The following SPTBN5 variants were observed in gnomAD, a reference collection of about 807,000 sequenced individuals.
SPTBN5 encodes spectrin beta chain, non-erythrocytic 5.
Under a neutral mutation model 477.6 loss-of-function variants are expected in SPTBN5, and 513 were observed. That is an observed-to-expected ratio of 1.07 (90% CI 1.00 to 1.16). SPTBN5 has a LOEUF of 1.16. SPTBN5 is among the 50% of genes most tolerant of loss of function. The probability of loss-of-function intolerance (pLI) is 0.00; values close to 1 mark genes in which losing one functional copy is unlikely to be tolerated. For synonymous variants in SPTBN5, 2,169 were observed against 2,011.7 expected, an observed-to-expected ratio of 1.08 and a Z score of -2.09; for missense variants, 5,062 against 4,731.8, an observed-to-expected ratio of 1.07 and a Z score of -2.05.
At chr15:41,848,664 G>A (rs1164183700) in intron 67 of SPTBN5, 36 bp from the exon 68 acceptor site, 4 of 1,613,226 alleles carry the variant, frequency 2.5e-6, no homozygotes, top group Middle Eastern at 3.3e-4. Flanking sequence ...GTAGGGTATG[G>A]CCACCCCAGA....
intron 49 of SPTBN5, among the ~76,000 whole-genome samples, chr15:41,857,987 G>A (rs898623633): frequency 1.3e-5 from 2 of 152,148 alleles, no homozygotes; most frequent in African/African-American, 4.8e-5. Context: ...CTTTGCAGGT[G>A]GAAAAGAGAA....
intron 61 of SPTBN5, 110 bp from the exon 62 acceptor site, chr15:41,852,426 C>A: frequency 7.1e-7 from 1 of 1,413,966 alleles, no homozygotes; most frequent in South Asian, 1.4e-5. Context: ...AGGGGGCCTG[C>A]CTCCCCATCA....
Position 41,882,627 on chromosome 15 carries a change from G to A in SPTBN5, c.2004C>T (p.Gly668=). 6.2e-7 allele frequency: 1 copy of A among 1,606,856 alleles called. No homozygotes were observed. The change falls in exon 10 of 68, where the codon GGC becomes GGT. Residue 668 remains glycine (G), a synonymous_variant. Transcript: ENST00000320955. Reference sequence around the variant, plus strand: ...CGCCTGCGATCTGGCTGAGATCCCGGCCCAGGGCCGCATTCCCCACCCGCT... The same window carrying A: ...CGCCTGCGATCTGGCTGAGATCCCGACCCAGGGCCGCATTCCCCACCCGCT... ...CGQRVGNAAL[G]RDLSQIAGAL... is the part of the protein sequence containing the mutation.
At chr15:41,882,492 G>A in intron 10 of SPTBN5, 23 bp from the exon 11 acceptor site, 1 of 1,560,916 alleles carries the variant, frequency 6.4e-7, no homozygotes, top group Non-Finnish European at 8.6e-7. Flanking sequence ...AGAGCAGGGG[G>A]CTCAGTGAAG....
rs921215893 is a variant in SPTBN5, at chr15:41,871,980, C to A, written c.5166-63G>T. ...CCCACCCCCCTGGGGGCCAGTCGGGCCAGCCAGAGGGGCCAATCTGAAAAC... is the reference window on the plus strand; with the variant it reads ...CCCACCCCCCTGGGGGCCAGTCGGGACAGCCAGAGGGGCCAATCTGAAAAC... On this transcript the variant is annotated intron_variant, in intron 27 of 67. Coordinates refer to ENST00000320955, the MANE Select transcript of SPTBN5 (RefSeq NM_016642.4). 25 of 1,456,826 alleles carry A rather than the reference C, an allele frequency of 1.7e-5. 2 individuals are homozygous for A. The Admixed American group carries it at 4.7e-4, about 27-fold the overall frequency. The allele number at this position is 1,456,826 out of a possible 1,614,324, so 90.2% of individuals were successfully genotyped here. A position where few individuals can be genotyped will look rare whatever the true frequency, so the allele number is the denominator to read the frequency against.
intron 47 of SPTBN5, among the ~76,000 whole-genome samples, chr15:41,860,201 T>A (rs1218392264): frequency 6.6e-6 from 1 of 152,208 alleles, no homozygotes; most frequent in African/African-American, 2.4e-5. Context: ...GAGGAGGAAC[T>A]TGTCTGAGTC....
At position 41,876,100 on chromosome 15, in the gene SPTBN5, C is replaced by T. The variant is rs767047326; in HGVS notation, c.4122+14G>A. On this transcript the variant is annotated intron_variant, in intron 21 of 67. Coordinates refer to ENST00000320955, the MANE Select transcript of SPTBN5 (RefSeq NM_016642.4). ...GACAAGGAGGCTCTGCACCCTCTGT[C>T]CCGTGTCCCCCACCTGCTGCAGGGC... 1 of 1,592,378 alleles carries T rather than the reference C, an allele frequency of 6.3e-7. No individual in the cohort carries two copies. The highest frequency in any genetic ancestry group is 8.5e-7 in the Non-Finnish European group (1 of 1,173,044).
intron 63 of SPTBN5, 59 bp downstream of exon 63, chr15:41,851,720 C>G: frequency 1.5e-6 from 2 of 1,336,486 alleles, no homozygotes; most frequent in South Asian, 2.4e-5. Flanking sequence ...GCTCTTCGAG[C>G]CACTCAAGTG....
chr15:41,883,872 C>T (rs1356858333), intron 7 of SPTBN5, among the ~76,000 whole-genome samples: 1 of 152,180 alleles, frequency 6.6e-6, no homozygotes, highest in Non-Finnish European at 1.5e-5. Flanking sequence ...CTCACTGCAA[C>T]CTCCACCTCC....
At chr15:41,857,189 T>C (rs2140919231) in intron 51 of SPTBN5, 49 bp downstream of exon 51, 1 of 1,546,596 alleles carries the variant, frequency 6.5e-7, no homozygotes, top group Non-Finnish European at 8.7e-7. Flanking sequence ...GGGGTGGGGG[T>C]CCCTCCAGGA....
intron 15 of SPTBN5, 26 bp downstream of exon 15, chr15:41,879,708 C>T (rs2066881863): frequency 6.2e-7 from 1 of 1,612,340 alleles, no homozygotes; most frequent in African/African-American, 1.3e-5. Context: ...CCTGCCTCAC[C>T]ACCTGCACTC....
intron 52 of SPTBN5, 81 bp from the exon 53 acceptor site, chr15:41,856,679 C>T (rs2065937814): frequency 7.1e-6 from 10 of 1,415,492 alleles, no homozygotes; most frequent in Non-Finnish European, 8.5e-6. Context: ...TTTCACGGGA[C>T]CCCACTAACT....
Position 41,870,455 on chromosome 15 carries a change from G to A in SPTBN5, c.5553C>T (p.Thr1851=). ...RVHRDLLEVL[T]QVQEKATSLP... ...CCCCTCCGGCTCACACCTGGACCTG[G>A]GTGAGGACTTCCAAGAGATCTCTGT... Residue 1851 remains threonine, a synonymous_variant, in exon 30 of 68, where the codon ACC becomes ACT. Transcript: ENST00000320955. 1.2e-6 allele frequency: 2 copies of A among 1,613,724 alleles called. No individual in the cohort carries two copies. The highest frequency in any genetic ancestry group is 2.2e-5 in the East Asian group (1 of 44,874).
At position 41,862,816 on chromosome 15, in the gene SPTBN5, C is replaced by T; in HGVS notation, c.7237G>A (p.Val2413Met). The T allele has an allele frequency of 6.3e-7, 1 of 1,581,562 alleles. No individual in the cohort carries two copies. Residue 2413 changes from valine (V) to methionine (M), a missense_variant, in exon 42 of 68, where the codon GTG becomes ATG. Physicochemically the swap from Val to Met is conservative, Grantham distance 21. Coordinates refer to ENST00000320955, the MANE Select transcript of SPTBN5 (RefSeq NM_016642.4). ...TCCACCTGGGCCTGGATGGGGTGCA[C>T]TTCCCGCTCCAGCTCCTCGTGTTTC... ...LRKHEELERE[V>M]HPIQAQVESL...
At chr15:41,891,251 GGAGT>G (rs1475278389) in intron 3 of SPTBN5, among the ~76,000 whole-genome samples, 7 of 152,212 alleles carry the variant, frequency 4.6e-5, no homozygotes, top group Admixed American at 1.3e-4. Flanking sequence ...AGAAAGAAAA[GGAGT>G]GAGACTTTCC....
rs1327719004 is a variant in SPTBN5, at chr15:41,856,526, G to T, written c.8881C>A (p.Gln2961Lys). The change falls in exon 53 of 68, where the codon CAG becomes AAG. Residue 2961 changes from glutamine to lysine, a missense_variant. Gln to Lys is a moderately conservative substitution (Grantham distance 53). Transcript: ENST00000320955. ...TCGTGGGCGGCAAAGTGCCCAGCCT[G>T]CACCAGCTTGTACCCAGTGCCCAGC... is the stretch of plus-strand genomic sequence containing the variant. ...VVLGTGYKLV[Q>K]AGHFAAHEVA... 1.2e-6 allele frequency: 2 copies of T among 1,601,646 alleles called. No individual in the cohort carries two copies. Among genetic ancestry groups the T allele is most frequent in the South Asian group, 1.1e-5 (1 of 89,066 alleles).
chr15:41,859,073 C>CT lies in SPTBN5; in HGVS notation c.7989-94dup. On this transcript the variant is annotated intron_variant, in intron 47 of 67. Coordinates refer to ENST00000320955, the MANE Select transcript of SPTBN5 (RefSeq NM_016642.4). The stretch of plus-strand genomic sequence containing the variant: ...AGGCTTTCTCGGGTATGAATATACT[C>CT]TGAGTCTGGAGTTTCCTTTGGAATA... 3 of 971,516 alleles carry CT rather than the reference C, an allele frequency of 3.1e-6. No homozygotes were observed. The South Asian group carries it at 5.8e-5, about 19-fold the overall frequency. 60.2% of individuals were successfully genotyped at this position (971,516 alleles called of 1,614,324 possible). A position where few individuals can be genotyped will look rare whatever the true frequency, so the allele number is the denominator to read the frequency against.
intron 48 of SPTBN5, 69 bp from the exon 49 acceptor site, chr15:41,858,817 A>T: frequency 6.4e-7 from 1 of 1,557,188 alleles, no homozygotes; most frequent in African/African-American, 1.4e-5. Context: ...GGGATACCCC[A>T]GAGGAAGGGT....
chr15:41,877,221 C>G lies in SPTBN5; in HGVS notation c.3606G>C (p.Gln1202His), dbSNP rs2066770408. 2.5e-6 allele frequency: 4 copies of G among 1,613,920 alleles called. No homozygotes were observed. Among genetic ancestry groups the G allele is most frequent in the Non-Finnish European group, 3.4e-6 (4 of 1,179,908 alleles). ...ELKVLWEQRQ[Q>H]WLQEGLELQK... ...GCAGCTCCAGCCCCTCTTGCAGCCA[C>G]TGCTGCCTCTGCTCCCACAAAACCT... The change falls in exon 18 of 68, where the codon CAG becomes CAC. Residue 1202 changes from glutamine to histidine, a missense_variant. Physicochemically the swap from Gln to His is conservative, Grantham distance 24 (BLOSUM62 0). Transcript: ENST00000320955.
Sources: gnomAD v4.1 joint callset for allele counts (sites outside exome capture counted in the v4.1 genomes callset) on GRCh38, gnomAD v4.1.1 for gene constraint, MANE v1.5 for transcripts, NCBI Gene and HGNC (gene_info 2026-07-23, HGNC 2026-07-21) for gene names.